The following SLC5A10 variants were observed in gnomAD, a reference collection of about 807,000 sequenced individuals.
SLC5A10 encodes the protein solute carrier family 5 member 10.
In SLC5A10, 55 loss-of-function variants were observed where a neutral mutation model predicts 68.9. The observed-to-expected ratio is 0.80, with a 90% CI of 0.64 to 1.00. The LOEUF (loss-of-function observed/expected upper bound fraction) is 1.00. Among genes scored for constraint, SLC5A10 ranks in the 50% least tolerant of loss-of-function variants. The probability of loss-of-function intolerance (pLI) is 0.00; values close to 1 mark genes in which losing one functional copy is unlikely to be tolerated. For synonymous variants in SLC5A10, 344 were observed against 344.8 expected (o/e 1.00, Z 0.02); for missense variants, 732 against 819.3 (o/e 0.89, Z 1.30).
chr17:18,958,318 C>G (rs1275608124), intron 1 of SLC5A10, among the ~76,000 whole-genome samples: 1 of 152,186 alleles, frequency 6.6e-6, no homozygotes, highest in Non-Finnish European at 1.5e-5. Context: ...CCTCCGCCTC[C>G]CAATGTGCTG....
chr17:18,956,485 T>TTTC (rs1249477225), intron 1 of SLC5A10, among the ~76,000 whole-genome samples: 1 of 142,172 alleles, frequency 7.0e-6, no homozygotes, highest in Non-Finnish European at 1.5e-5. Context: ...TTTTTTTTTT[T>TTTC]TTCTGTTTTG....
chr17:18,953,935 T>G (rs1424595569), intron 1 of SLC5A10: 1 of 152,250 alleles, frequency 6.6e-6, no homozygotes, highest in Non-Finnish European at 1.5e-5. Context: ...CTGTATGTGA[T>G]TAAATATTAA....
At chr17:19,011,694 G>A (rs995548854) in intron 9 of SLC5A10, among the ~76,000 whole-genome samples, 2 of 151,962 alleles carry the variant, frequency 1.3e-5, no homozygotes, top group Admixed American at 6.5e-5. Context: ...CCAGGGAGGT[G>A]CCTGGGGGAT....
Position 19,004,208 on chromosome 17 carries a change from G to C in SLC5A10, c.983-9202G>C. Reference sequence around the variant, plus strand: ...CTGATGAGCCCGGCTCGGCGGGGAGGGCGGGCCGCGCGGGGAGGGGCGGCG... The same window carrying C: ...CTGATGAGCCCGGCTCGGCGGGGAGCGCGGGCCGCGCGGGGAGGGGCGGCG... On this transcript the variant is annotated intron_variant, in intron 9 of 14. Transcript: ENST00000395645. This position sits in a 1 kb window ranked among gnomAD's most constrained non-coding sequence, Gnocchi z 5.4. 4 of 616,682 alleles carry C rather than the reference G, an allele frequency of 6.5e-6. No homozygotes were observed. The South Asian group carries it at 9.2e-5, about 14-fold the overall frequency. 38.2% of individuals were successfully genotyped at this position (616,682 alleles called of 1,614,324 possible).
chr17:19,003,881 T>C lies in SLC5A10; in HGVS notation c.983-9529T>C. On this transcript the variant is annotated intron_variant, in intron 9 of 14. Transcript: ENST00000395645. This position sits in a 1 kb window ranked among gnomAD's most constrained non-coding sequence, Gnocchi z 4.5. ...CAGCTCCGAGAGGAAGTCTCGGATGTTCTCCCGCTTGAGCACCTCGTAGAA... is the reference window on the plus strand; with the variant it reads ...CAGCTCCGAGAGGAAGTCTCGGATGCTCTCCCGCTTGAGCACCTCGTAGAA... 1 of 1,613,012 alleles carries C rather than the reference T, an allele frequency of 6.2e-7. No homozygotes were observed. Among genetic ancestry groups the C allele is most frequent in the African/African-American group, 1.3e-5 (1 of 75,026 alleles).
chr17:18,988,101 C>T (rs1459237416), intron 9 of SLC5A10: 2 of 1,260,318 alleles, frequency 1.6e-6, no homozygotes, highest in Admixed American at 5.4e-5. Context: ...GGCTATGTGA[C>T]TGCTTGGCAG....
intron 10 of SLC5A10, 90 bp from the exon 11 acceptor site, chr17:19,014,959 G>A: frequency 6.8e-7 from 1 of 1,473,032 alleles, no homozygotes; most frequent in Non-Finnish European, 9.3e-7. Flanking sequence ...CAAATGGCGG[G>A]CGGGCCTCAG....
chr17:18,978,974 G>A, intron 9 of SLC5A10: 1 of 1,102,954 alleles, frequency 9.1e-7, no homozygotes, highest in South Asian at 1.5e-5. Flanking sequence ...AGAAGTGAAT[G>A]GGGGCAGAGA....
At chr17:18,982,281 C>A (rs2043157988) in intron 9 of SLC5A10, among the ~76,000 whole-genome samples, 1 of 152,184 alleles carries the variant, frequency 6.6e-6, no homozygotes, top group Non-Finnish European at 1.5e-5. Context: ...TGGGGGCCTG[C>A]AGCAGGGCCC....
rs185407965 is a variant in SLC5A10 at position 18,974,752 on chromosome 17, T to G, written c.847-2102T>G. ...GGCTACACTAGCAGCCTCACTTAAGTCGTTGCAACAACTCTCCTCATTTTG... is the reference window on the plus strand; with the variant it reads ...GGCTACACTAGCAGCCTCACTTAAGGCGTTGCAACAACTCTCCTCATTTTG... On this transcript the variant is annotated intron_variant, in intron 8 of 14. Coordinates refer to ENST00000395645, the MANE Select transcript of SLC5A10 (RefSeq NM_001042450.4). Among the ~76,000 whole-genome samples the G allele has an allele frequency of 1.6e-4, 25 of 152,326 alleles. No individual in the cohort carries two copies. The East Asian group carries it at 3.5e-3, about 21-fold the overall frequency.
At chr17:18,986,074 C>T (rs2043262263) in intron 9 of SLC5A10, 1 of 152,316 alleles carries the variant, frequency 6.6e-6, no homozygotes, top group Admixed American at 6.5e-5. Flanking sequence ...AACCACACAC[C>T]CAGGACCCAC....
chr17:18,956,891 A>G (rs2151991341), intron 1 of SLC5A10, among the ~76,000 whole-genome samples: 1 of 152,232 alleles, frequency 6.6e-6, no homozygotes, highest in East Asian at 1.9e-4. Context: ...AAGCTCATAA[A>G]AACCCTGTGA....
Position 19,017,420 on chromosome 17 carries a change from C to G in SLC5A10, c.1242-2003C>G. The G allele has an allele frequency of 6.5e-7, 1 of 1,540,158 alleles. No individual in the cohort carries two copies. The highest frequency in any genetic ancestry group is 8.8e-7 in the Non-Finnish European group (1 of 1,136,468). On this transcript the variant is annotated intron_variant, in intron 11 of 14. Coordinates refer to ENST00000395645, the MANE Select transcript of SLC5A10 (RefSeq NM_001042450.4). The surrounding 1 kb of genome is among the most constrained non-coding windows in gnomAD (Gnocchi z 5.6). ...GTAGGGTGAATGGCCTGACAACAGTCTCTGTCAGGGAGAGGCGAGGCTTAC... is the reference window on the plus strand; with the variant it reads ...GTAGGGTGAATGGCCTGACAACAGTGTCTGTCAGGGAGAGGCGAGGCTTAC...
intron 9 of SLC5A10, among the ~76,000 whole-genome samples, chr17:19,006,050 A>G (rs968856358): frequency 6.6e-6 from 1 of 152,192 alleles, no homozygotes; most frequent in East Asian, 1.9e-4. Context: ...GAGTTCAGGA[A>G]GGGAGTCCAA....
chr17:18,967,181 C>T (rs1056500528), intron 5 of SLC5A10, among the ~76,000 whole-genome samples: 5 of 152,192 alleles, frequency 3.3e-5, no homozygotes, highest in Admixed American at 2.6e-4. Flanking sequence ...CAACCGCACA[C>T]CTACTGGGCC....
chr17:18,992,457 C>T (rs555816200), intron 9 of SLC5A10, among the ~76,000 whole-genome samples: 1 of 152,326 alleles, frequency 6.6e-6, no homozygotes, highest in South Asian at 2.1e-4. Flanking sequence ...AAAGGAGAAC[C>T]CCACCTGTGG....
intron 9 of SLC5A10, among the ~76,000 whole-genome samples, chr17:18,984,353 A>G (rs1431078879): frequency 2.0e-5 from 3 of 151,442 alleles, no homozygotes; most frequent in Admixed American, 6.6e-5. Context: ...AAAAAAAAAA[A>G]AGAGAACCCT....
chr17:18,978,160 G>T (rs1350597569), intron 9 of SLC5A10: 1 of 1,532,116 alleles, frequency 6.5e-7, no homozygotes, highest in East Asian at 2.3e-5. Context: ...TGGGCACGGG[G>T]GGCAATGGCT....
chr17:18,979,650 C>G (rs1209589093), intron 9 of SLC5A10: 17 of 1,613,476 alleles, frequency 1.1e-5, no homozygotes, highest in Non-Finnish European at 1.4e-5. Context: ...ACTCAGTTCC[C>G]CCGCTGCTCC....
Sources: allele counts gnomAD v4.1 joint callset (sites outside exome capture counted in the v4.1 genomes callset), GRCh38; gene constraint gnomAD v4.1.1; non-coding constraint Gnocchi (gnomAD v3.1); transcripts MANE v1.5; gene names NCBI Gene and HGNC (gene_info 2026-07-23, HGNC 2026-07-21).